The following ZMYND8 variants were observed in gnomAD, a reference collection of about 807,000 sequenced individuals.
ZMYND8 encodes zinc finger MYND-type containing 8, also known as MYND-type zinc finger-containing chromatin reader ZMYND8.
ZMYND8 carries 37 observed loss-of-function variants against 140.8 expected under a neutral mutation model. The observed-to-expected ratio is 0.26, with a 90% CI of 0.20 to 0.35. The LOEUF is 0.35. Ranked by LOEUF, ZMYND8 falls within the 10% of genes least tolerant of loss-of-function variation. The pLI is 1.00. For missense variants in ZMYND8, 1,068 were observed against 1,570.0 expected (o/e 0.68, Z 5.40); for synonymous variants, 592 against 597.1 (o/e 0.99, Z 0.12).
At position 47,298,780 on chromosome 20, in the gene ZMYND8, A is replaced by G; in HGVS notation, c.402T>C (p.Cys134=). ...CCTCTGGTTCCGATGTCAGTCTCAG[A>G]CACTTAGCGTGATAAACCCGGGGAC... is the stretch of plus-strand genomic sequence containing the variant. ...ELCPRVYHAK[C]LRLTSEPEGD... The change falls in exon 4 of 23, where the codon TGT becomes TGC. Residue 134 remains cysteine (C), a synonymous_variant. Transcript: ENST00000471951. This position sits in a 1 kb window ranked among gnomAD's most constrained non-coding sequence, Gnocchi z 5.0. 1.2e-6 allele frequency: 2 copies of G among 1,614,124 alleles called. No individual in the cohort carries two copies. Among genetic ancestry groups the G allele is most frequent in the Non-Finnish European group, 1.7e-6 (2 of 1,180,014 alleles).
In ZMYND8 at chr20:47,356,646, G is replaced by A. The variant is rs1203689981; in HGVS notation, c.14+11C>T. The A allele has an allele frequency of 1.9e-6, 3 of 1,614,188 alleles. No individual in the cohort carries two copies. Among genetic ancestry groups the A allele is most frequent in the Non-Finnish European group, 2.5e-6 (3 of 1,180,040 alleles). ...GAGGGGGAAAAAAGATGGTTAAAAA[G>A]TCGAGCTTACCTCTGTGGATGCATT... On this transcript the variant is annotated intron_variant, in intron 1 of 22. Transcript: ENST00000471951.
intron 12 of ZMYND8, among the ~76,000 whole-genome samples, chr20:47,256,556 C>T (rs141431958): frequency 0.012 from 1,886 of 152,228 alleles, 12 homozygotes; most frequent in Admixed American, 0.02. Flanking sequence ...GGAGGCGGAG[C>T]TTACAGTGAG....
chr20:47,249,635 C>T (rs1485483064), intron 12 of ZMYND8, among the ~76,000 whole-genome samples, 196 bp from the exon 13 acceptor site: 6 of 147,480 alleles, frequency 4.1e-5, no homozygotes, highest in Non-Finnish European at 7.6e-5. Flanking sequence ...CACGTGAACA[C>T]GTTTGGCAGG....
chr20:47,232,819 T>C (rs1045765766), intron 16 of ZMYND8, among the ~76,000 whole-genome samples: 3 of 152,170 alleles, frequency 2.0e-5, no homozygotes, highest in African/African-American at 7.2e-5. Flanking sequence ...ATCCTACAGA[T>C]TGCTTCAGCA....
At chr20:47,297,837 G>A (rs1191117643) in intron 4 of ZMYND8, among the ~76,000 whole-genome samples, 1 of 152,112 alleles carries the variant, frequency 6.6e-6, no homozygotes, top group Non-Finnish European at 1.5e-5. Flanking sequence ...CCAAGAACAG[G>A]AGCCACCTCC....
chr20:47,287,153 TCTG>T (rs2076973843), intron 8 of ZMYND8, 73 bp downstream of exon 8: 1 of 1,330,506 alleles, frequency 7.5e-7, no homozygotes, highest in Admixed American at 1.7e-5. Flanking sequence ...AATAGGAGAT[TCTG>T]CAAATGGAAA....
At chr20:47,223,595 T>A (rs918397906) in intron 19 of ZMYND8, among the ~76,000 whole-genome samples, 1 of 151,186 alleles carries the variant, frequency 6.6e-6, no homozygotes, top group Non-Finnish European at 1.5e-5. Flanking sequence ...GAGGCCAAGG[T>A]AGGTGGATCA....
intron 4 of ZMYND8, among the ~76,000 whole-genome samples, chr20:47,295,794 A>C (rs2077599512): frequency 6.6e-6 from 1 of 152,222 alleles, no homozygotes; most frequent in Admixed American, 6.5e-5. Flanking sequence ...CTGCTATGTA[A>C]ATCTGGTACT....
At position 47,236,504 on chromosome 20, in the gene ZMYND8, T is replaced by C. The variant is rs1421879496; in HGVS notation, c.2678A>G (p.Lys893Arg). 1 of 1,578,268 alleles carries C rather than the reference T, an allele frequency of 6.3e-7. No homozygotes were observed. Among genetic ancestry groups the C allele is most frequent in the Non-Finnish European group, 8.6e-7 (1 of 1,161,620 alleles). ...CGTGGATGGGCTCTGTGTGATCTCC[T>C]TCTGCTGGACAGCTAGGAAGGCAAA... The part of the protein sequence containing the change: ...TRQAVKAVQQ[K>R]EITQSPSTST... The change falls in exon 16 of 23, where the codon AAG (lysine) becomes AGG (arginine). Residue 893 changes from lysine to arginine, a missense_variant. Physicochemically the swap from Lys to Arg is conservative, Grantham distance 26 (BLOSUM62 2). Around this residue, in one of 10 missense-constraint regions of ZMYND8, gnomAD observed 383 missense variants for 431.2 expected, o/e 0.89. Coordinates refer to ENST00000471951, the MANE Select transcript of ZMYND8 (RefSeq NM_001281775.3).
At chr20:47,304,483 C>A (rs939619617) in intron 3 of ZMYND8, among the ~76,000 whole-genome samples, 1 of 152,250 alleles carries the variant, frequency 6.6e-6, no homozygotes, top group Non-Finnish European at 1.5e-5. Flanking sequence ...AGGCTTCAGG[C>A]AGCATCTAGC....
intron 3 of ZMYND8, among the ~76,000 whole-genome samples, chr20:47,300,443 A>G (rs1210949406): frequency 6.6e-6 from 1 of 152,206 alleles, no homozygotes; most frequent in Admixed American, 6.5e-5. Flanking sequence ...GAGATCCTGC[A>G]TACTTTTTGA....
intron 5 of ZMYND8, among the ~76,000 whole-genome samples, chr20:47,292,989 G>A (rs2077363883): frequency 6.6e-6 from 1 of 151,314 alleles, no homozygotes; most frequent in Non-Finnish European, 1.5e-5. Context: ...CCTGAGCCCA[G>A]GAGGTTGATG....
chr20:47,278,783 G>A (rs1027078441), intron 10 of ZMYND8, among the ~76,000 whole-genome samples: 1 of 152,148 alleles, frequency 6.6e-6, no homozygotes, highest in Non-Finnish European at 1.5e-5. Flanking sequence ...CAGAACAGAA[G>A]CCAGATGCTC....
chr20:47,302,903 T>G (rs1371424227), intron 3 of ZMYND8, among the ~76,000 whole-genome samples: 1 of 152,152 alleles, frequency 6.6e-6, no homozygotes, highest in South Asian at 2.1e-4. Context: ...GCTCTCAATC[T>G]TGGTACTGGT....
chr20:47,305,729 G>C (rs572472104), intron 3 of ZMYND8, among the ~76,000 whole-genome samples: 1 of 152,230 alleles, frequency 6.6e-6, no homozygotes, highest in African/African-American at 2.4e-5. Flanking sequence ...TTTGATCAAA[G>C]ATGCACCTAA....
chr20:47,277,291 C>T (rs565482624), intron 10 of ZMYND8, among the ~76,000 whole-genome samples: 2 of 152,236 alleles, frequency 1.3e-5, no homozygotes, highest in African/African-American at 2.4e-5. Context: ...AAAAAGGAGC[C>T]CATTCGCCTC....
At chr20:47,347,639 T>C (rs984216932) in intron 2 of ZMYND8, among the ~76,000 whole-genome samples, 1 of 152,114 alleles carries the variant, frequency 6.6e-6, no homozygotes, top group Non-Finnish European at 1.5e-5. Context: ...TAAAATTCAC[T>C]GTCAGGACCC....
chr20:47,331,384 A>C (rs1242504213), intron 2 of ZMYND8, among the ~76,000 whole-genome samples: 1 of 152,210 alleles, frequency 6.6e-6, no homozygotes, highest in Non-Finnish European at 1.5e-5. Flanking sequence ...AAAGAACAGA[A>C]GAATGGGGAA....
intron 19 of ZMYND8, among the ~76,000 whole-genome samples, chr20:47,223,081 T>C (rs2037216428): frequency 6.6e-6 from 1 of 152,216 alleles, no homozygotes; most frequent in Non-Finnish European, 1.5e-5. Flanking sequence ...CCTTTGCAAA[T>C]TTTGCCAATC....
Sources: allele counts gnomAD v4.1 joint callset (sites outside exome capture counted in the v4.1 genomes callset), GRCh38; gene constraint gnomAD v4.1.1; regional missense constraint gnomAD v4.1.1; non-coding constraint Gnocchi (gnomAD v3.1); transcripts MANE v1.5; gene names NCBI Gene and HGNC (gene_info 2026-07-23, HGNC 2026-07-21).